The following TAS1R2 variants were observed in gnomAD, a reference collection of about 807,000 sequenced individuals.
TAS1R2 encodes taste 1 receptor member 2.
TAS1R2 carries 47 observed loss-of-function variants against 49.3 expected under a neutral mutation model. The ratio of observed to expected loss-of-function variants is 0.95; its 90% CI spans 0.75 to 1.22. TAS1R2 has a LOEUF of 1.22. Ranked by LOEUF, TAS1R2 falls within the 50% of genes most tolerant of loss-of-function variation. The pLI, the probability that TAS1R2 is intolerant of heterozygous loss-of-function variation, is 0.00. For synonymous variants in TAS1R2, 479 were observed against 467.9 expected, an observed-to-expected ratio of 1.02 and a Z score of -0.31; for missense variants, 1,155 against 1,122.1, an observed-to-expected ratio of 1.03 and a Z score of -0.42.
chr1:18,850,108 GT>G (rs1322340111), intron 3 of TAS1R2, among the ~76,000 whole-genome samples: 1 of 152,034 alleles, frequency 6.6e-6, no homozygotes, highest in Non-Finnish European at 1.5e-5. Context: ...TCTCATTCCA[GT>G]CTCTCCCCAC....
chr1:18,854,477 G>A lies in TAS1R2; in HGVS notation c.993C>T (p.Pro331=), dbSNP rs1294936245. ...CGCGGAACTCACTGAAGCCCGGGAT[G>A]GGCACGCTCTGGATGGTGATGCCCA... The change falls in exon 3 of 6, where the codon CCC becomes CCT. Residue 331 remains proline, a synonymous_variant. Transcript: ENST00000375371. The surrounding 1 kb of genome is among the most constrained non-coding windows in gnomAD (Gnocchi z 4.9). 1 of 1,614,012 alleles carries A rather than the reference G, an allele frequency of 6.2e-7. No homozygotes were observed. Among genetic ancestry groups the A allele is most frequent in the Non-Finnish European group, 8.5e-7 (1 of 1,180,036 alleles).
chr1:18,857,774 T>TTCACCATGTCATTG (rs1934168062), intron 1 of TAS1R2, 143 bp from the exon 2 acceptor site: 2 of 888,584 alleles, frequency 2.3e-6, no homozygotes, highest in Non-Finnish European at 3.4e-6. Context: ...CTCGGGCATT[T>TTCACCATGTCATTG]TCACCATGTC....
chr1:18,856,545 C>T (rs138197013), intron 2 of TAS1R2, among the ~76,000 whole-genome samples: 2,152 of 152,248 alleles, frequency 0.014, 42 homozygotes, highest in Non-Finnish European at 0.019. Flanking sequence ...TCCATGAGGG[C>T]GATGATTTCT....
At chr1:18,855,397 G>A (rs969301620) in intron 2 of TAS1R2, among the ~76,000 whole-genome samples, 6 of 152,090 alleles carry the variant, frequency 3.9e-5, no homozygotes, top group East Asian at 1.9e-4. Context: ...CCTCATCACC[G>A]TCAGGCTCAT....
rs145665713 is a variant in TAS1R2 at position 18,851,517 on chromosome 1, G to C, written c.1258-1967C>G. On this transcript the variant is annotated intron_variant, in intron 3 of 5. Transcript: ENST00000375371. ...GCTAATTTTTTGTTTTTTTAGTAGAGATGGGGTTTCACCATGTTGGCCAGG... is the reference window on the plus strand; with the variant it reads ...GCTAATTTTTTGTTTTTTTAGTAGACATGGGGTTTCACCATGTTGGCCAGG... 1.7e-3 allele frequency among the ~76,000 whole-genome samples: 255 copies of C among 152,118 alleles called. 4 individuals carry two copies. In the East Asian group the frequency reaches 0.047, roughly 28 times the overall value.
At chr1:18,849,371 T>C in exon 4 of TAS1R2, 1 of 1,614,078 alleles carries the variant, frequency 6.2e-7, no homozygotes, top group Non-Finnish European at 8.5e-7. Context: ...AGGAGATGTC[T>C]TGGATGTTCT....
intron 2 of TAS1R2, 42 bp downstream of exon 2, chr1:18,857,289 G>A (rs772172864): frequency 1.3e-6 from 2 of 1,587,774 alleles, no homozygotes; most frequent in Non-Finnish European, 1.7e-6. Flanking sequence ...CCATTCCTCT[G>A]CCCCCCTCCC....
chr1:18,856,421 AC>A (rs1292903441), intron 2 of TAS1R2, among the ~76,000 whole-genome samples: 1 of 151,876 alleles, frequency 6.6e-6, no homozygotes, highest in African/African-American at 2.4e-5. Flanking sequence ...CATGCCAGAC[AC>A]CCCCACCCTG....
intron 2 of TAS1R2, among the ~76,000 whole-genome samples, chr1:18,856,667 C>T (rs1017856986): frequency 1.3e-5 from 2 of 152,182 alleles, no homozygotes; most frequent in Admixed American, 6.5e-5. Flanking sequence ...CAGCTAGATG[C>T]TTCATGTAAA....
intron 2 of TAS1R2, 83 bp downstream of exon 2, chr1:18,857,248 G>A: frequency 7.0e-7 from 1 of 1,436,432 alleles, no homozygotes; most frequent in Non-Finnish European, 9.4e-7. Context: ...CATGATTGAT[G>A]GAGGAAGTGG....
Position 18,857,382 on chromosome 1 carries a change from G to T in TAS1R2, c.432C>A (p.Ser144=), listed in dbSNP as rs778530316. The stretch of plus-strand genomic sequence containing the variant: ...AGTTGGCCACAGTCATGACAGACTC[G>T]GAGTTGTCAGGGCCAATGACAGCCA... Residue 144 remains serine (S), a synonymous_variant, in exon 2 of 6, where the codon TCC becomes TCA. Coordinates refer to ENST00000375371, the Ensembl canonical transcript of TAS1R2. 8.1e-6 allele frequency: 13 copies of T among 1,614,076 alleles called. No homozygotes were observed. In the East Asian group the frequency reaches 2.9e-4, roughly 36 times the overall value.
chr1:18,840,000 G>A (rs757815565), exon 6 of TAS1R2: 12 of 1,614,070 alleles, frequency 7.4e-6, no homozygotes, highest in Admixed American at 3.3e-5. Flanking sequence ...GGGTCAGTAC[G>A]GGTGGTGGGA....
intron 1 of TAS1R2, chr1:18,858,529 C>T (rs1934183038): frequency 6.6e-6 from 1 of 152,196 alleles, no homozygotes; most frequent in African/African-American, 2.4e-5. Context: ...ACCATCACTG[C>T]CAACACTATT....
intron 1 of TAS1R2, 43 bp downstream of exon 1, chr1:18,859,435 AC>A: frequency 6.2e-7 from 1 of 1,609,816 alleles, no homozygotes; most frequent in Non-Finnish European, 8.5e-7. Context: ...CTGGCCTCCC[AC>A]CCCATCCCCA....
At chr1:18,848,505 C>A (rs1367770219) in intron 4 of TAS1R2, among the ~76,000 whole-genome samples, 1 of 152,026 alleles carries the variant, frequency 6.6e-6, no homozygotes, top group Non-Finnish European at 1.5e-5. Flanking sequence ...ATTGATAAAG[C>A]AGAGGTCCCT....
chr1:18,841,374 A>G (rs1255353088), intron 5 of TAS1R2, among the ~76,000 whole-genome samples: 2 of 152,188 alleles, frequency 1.3e-5, no homozygotes, highest in Non-Finnish European at 2.9e-5. Flanking sequence ...CTTTCCTCCT[A>G]TTGCAAATAC....
chr1:18,846,199 A>C (rs1933917437), intron 4 of TAS1R2, among the ~76,000 whole-genome samples: 2 of 152,184 alleles, frequency 1.3e-5, no homozygotes, highest in African/African-American at 2.4e-5. Flanking sequence ...CTAAGGCTGC[A>C]GTATGAAATG....
chr1:18,847,301 C>T lies in TAS1R2; in HGVS notation c.1467+2040G>A, dbSNP rs187508778. On this transcript the variant is annotated intron_variant, in intron 4 of 5. Coordinates refer to ENST00000375371, the Ensembl canonical transcript of TAS1R2. Reference sequence around the variant, plus strand: ...TCACAGCTCTCAGAAGGAGCCAACCCTGCTGACACTTTGATCTTGGACTTC... The same window carrying T: ...TCACAGCTCTCAGAAGGAGCCAACCTTGCTGACACTTTGATCTTGGACTTC... Among the ~76,000 whole-genome samples the T allele has an allele frequency of 6.2e-3, 938 of 152,308 alleles. 7 individuals are homozygous for T. The highest frequency in any genetic ancestry group is 0.022 in the African/African-American group (905 of 41,562).
At chr1:18,857,987 C>T (rs1934171567) in intron 1 of TAS1R2, among the ~76,000 whole-genome samples, 1 of 151,934 alleles carries the variant, frequency 6.6e-6, no homozygotes, top group Non-Finnish European at 1.5e-5. Flanking sequence ...ACCCATATTA[C>T]CAATATCACC....
Sources: gnomAD v4.1 joint callset for allele counts (sites outside exome capture counted in the v4.1 genomes callset) on GRCh38, gnomAD v4.1.1 for gene constraint, Gnocchi (gnomAD v3.1) non-coding constraint, MANE v1.5 for transcripts, NCBI Gene and HGNC (gene_info 2026-07-23, HGNC 2026-07-21) for gene names.